RHEB: variants seen among roughly 807,000 people sequenced by gnomAD.
The protein encoded by RHEB is GTP-binding protein Rheb.
In RHEB, 2 loss-of-function variants were observed where a neutral mutation model predicts 28.8. That is an observed-to-expected ratio of 0.07 (90% CI 0.03 to 0.22). The LOEUF (loss-of-function observed/expected upper bound fraction) is 0.22. Ranked by LOEUF, RHEB falls within the 10% of genes least tolerant of loss-of-function variation. RHEB has a pLI of 1.00. For synonymous variants in RHEB, 69 were observed against 77.3 expected, an observed-to-expected ratio of 0.89 and a Z score of 0.56; for missense variants, 76 against 219.9, an observed-to-expected ratio of 0.35 and a Z score of 4.14.
Position 151,468,378 on chromosome 7 carries a change from C to T in RHEB, c.463-1167G>A, listed in dbSNP as rs1280602329. On this transcript the variant is annotated intron_variant, in intron 7 of 7. Transcript: ENST00000262187. This position sits in a 1 kb window ranked among gnomAD's most constrained non-coding sequence, Gnocchi z 4.3. ...GCGCCACTGTACTTCAACTCCCTTCCCTACCAACTGTCGCTGGCACGGTGC... is the reference window on the plus strand; with the variant it reads ...GCGCCACTGTACTTCAACTCCCTTCTCTACCAACTGTCGCTGGCACGGTGC... Among the ~76,000 whole-genome samples the T allele has an allele frequency of 6.6e-6, 1 of 152,232 alleles. No individual in the cohort carries two copies. Among genetic ancestry groups the T allele is most frequent in the African/African-American group, 2.4e-5 (1 of 41,458 alleles).
chr7:151,504,217 C>T (rs1364192135), intron 1 of RHEB, among the ~76,000 whole-genome samples: 1 of 152,160 alleles, frequency 6.6e-6, no homozygotes, highest in Non-Finnish European at 1.5e-5. Context: ...GACAAGTGTC[C>T]CTATAACCTT....
chr7:151,484,595 A>C, intron 3 of RHEB, 142 bp downstream of exon 3: 1 of 621,388 alleles, frequency 1.6e-6, no homozygotes, highest in Non-Finnish European at 2.9e-6. Context: ...AGCCACTGCA[A>C]GCCAAACCAT....
chr7:151,496,945 ATTT>A (rs1172246541), intron 1 of RHEB, among the ~76,000 whole-genome samples: 1 of 124,526 alleles, frequency 8.0e-6, no homozygotes, highest in Non-Finnish European at 1.7e-5. Context: ...ACACTCGGCT[ATTT>A]TTTTTTTTTT....
At chr7:151,470,818 A>C (rs1369995915) in intron 6 of RHEB, among the ~76,000 whole-genome samples, 166 bp from the exon 7 acceptor site, 1 of 152,230 alleles carries the variant, frequency 6.6e-6, no homozygotes, top group African/African-American at 2.4e-5. Flanking sequence ...GGAGTGTTTT[A>C]ATTACGCCTG....
intron 1 of RHEB, chr7:151,503,264 G>A: frequency 1.3e-6 from 1 of 784,332 alleles, no homozygotes; most frequent in Non-Finnish European, 2.4e-6. Flanking sequence ...CTTATCGAGA[G>A]CATGCCCCTG....
intron 1 of RHEB, among the ~76,000 whole-genome samples, chr7:151,491,410 C>T (rs994283022): frequency 6.6e-5 from 10 of 152,128 alleles, no homozygotes; most frequent in African/African-American, 1.9e-4. Flanking sequence ...TCATATATGA[C>T]GGTTAGAAGT....
chr7:151,492,622 A>G (rs892200248), intron 1 of RHEB, among the ~76,000 whole-genome samples: 40 of 151,692 alleles, frequency 2.6e-4, no homozygotes, highest in African/African-American at 9.0e-4. Context: ...GTCTTATAAA[A>G]AAAAAAAAAG....
At chr7:151,499,965 C>T (rs1802743793) in intron 1 of RHEB, among the ~76,000 whole-genome samples, 1 of 152,192 alleles carries the variant, frequency 6.6e-6, no homozygotes, top group Non-Finnish European at 1.5e-5. Context: ...GTCCCCACCA[C>T]ACCCAGTGAG....
chr7:151,494,570 C>G (rs1210240172), intron 1 of RHEB, among the ~76,000 whole-genome samples: 1 of 152,172 alleles, frequency 6.6e-6, no homozygotes, highest in Non-Finnish European at 1.5e-5. Flanking sequence ...GTAGTCTAAC[C>G]AAAATCACAT....
intron 1 of RHEB, among the ~76,000 whole-genome samples, chr7:151,509,711 TAC>T (rs1241199662): frequency 6.6e-6 from 1 of 152,218 alleles, no homozygotes; most frequent in African/African-American, 2.4e-5. Context: ...TTTGGTTTTG[TAC>T]AGTCTATGAG....
intron 1 of RHEB, among the ~76,000 whole-genome samples, chr7:151,496,466 C>T (rs1422065424): frequency 1.3e-5 from 2 of 152,068 alleles, no homozygotes; most frequent in African/African-American, 4.8e-5. Flanking sequence ...ATGACCCATA[C>T]TATTTTTTTT....
At chr7:151,467,289 G>T in intron 7 of RHEB, 78 bp from the exon 8 acceptor site, 1 of 1,063,206 alleles carries the variant, frequency 9.4e-7, no homozygotes, top group Non-Finnish European at 1.4e-6. Flanking sequence ...TGAGGAGGGC[G>T]TGCCGCCTGC....
At chr7:151,498,897 T>C (rs1297257409) in intron 1 of RHEB, among the ~76,000 whole-genome samples, 2 of 149,696 alleles carry the variant, frequency 1.3e-5, no homozygotes, top group African/African-American at 2.6e-5. Flanking sequence ...CATTCCATTC[T>C]GAATCCCAAG....
At chr7:151,486,808 G>A (rs896209583) in intron 2 of RHEB, among the ~76,000 whole-genome samples, 51 of 152,206 alleles carry the variant, frequency 3.4e-4, no homozygotes, top group African/African-American at 1.2e-3. Context: ...AAATATTTCA[G>A]AGGCAGAACC....
At chr7:151,479,637 C>G (rs372417240) in intron 3 of RHEB, among the ~76,000 whole-genome samples, 3 of 148,466 alleles carry the variant, frequency 2.0e-5, no homozygotes, top group South Asian at 2.1e-4. Context: ...GAGCCGAGAT[C>G]GCGCCACAGC....
intron 1 of RHEB, chr7:151,501,988 A>T: frequency 3.5e-6 from 2 of 579,180 alleles, no homozygotes; most frequent in South Asian, 3.1e-5. Flanking sequence ...CTGTAATCCC[A>T]GCACTTTGAG....
At chr7:151,512,625 T>C (rs1803011234) in intron 1 of RHEB, among the ~76,000 whole-genome samples, 1 of 152,188 alleles carries the variant, frequency 6.6e-6, no homozygotes, top group African/African-American at 2.4e-5. Flanking sequence ...CTTGCCATCT[T>C]TGTCTCTCAC....
intron 1 of RHEB, among the ~76,000 whole-genome samples, chr7:151,513,939 G>T (rs1051791412): frequency 6.6e-6 from 1 of 152,120 alleles, no homozygotes; most frequent in African/African-American, 2.4e-5. Context: ...AAGGGACTGA[G>T]AATACCCAAA....
chr7:151,474,153 A>AT (rs1802222285), intron 4 of RHEB, among the ~76,000 whole-genome samples: 1 of 149,578 alleles, frequency 6.7e-6, no homozygotes, highest in Non-Finnish European at 1.5e-5. Flanking sequence ...CACCTTTCCG[A>AT]TTTTTTTTCC....
Sources: gnomAD v4.1 joint callset for allele counts (sites outside exome capture counted in the v4.1 genomes callset) on GRCh38, gnomAD v4.1.1 for gene constraint, Gnocchi (gnomAD v3.1) non-coding constraint, MANE v1.5 for transcripts, NCBI Gene and HGNC (gene_info 2026-07-23, HGNC 2026-07-21) for gene names.